Variants in PACRG observed in about 807,000 individuals in gnomAD.
The protein encoded by PACRG is parkin coregulated gene protein.
Under a neutral mutation model 29.7 loss-of-function variants are expected in PACRG, and 29 were observed. The observed-to-expected ratio is 0.98, with a 90% CI of 0.73 to 1.33. PACRG has a LOEUF of 1.33. PACRG is among the 40% of genes most tolerant of loss of function. The pLI, the probability that PACRG is intolerant of heterozygous loss-of-function variation, is 0.00. For synonymous variants in PACRG, 116 were observed against 118.7 expected (o/e 0.98, Z 0.15); for missense variants, 279 against 316.2 (o/e 0.88, Z 0.89).
intron 1 of PACRG, among the ~76,000 whole-genome samples, chr6:162,752,826 T>G (rs182438255): frequency 1.3e-5 from 2 of 152,346 alleles, no homozygotes; most frequent in Admixed American, 1.3e-4. Flanking sequence ...AAATAATGCA[T>G]TGCCTGTTTA....
chr6:163,258,227 C>T (rs551474907), intron 4 of PACRG, among the ~76,000 whole-genome samples: 1 of 152,018 alleles, frequency 6.6e-6, no homozygotes, highest in Non-Finnish European at 1.5e-5. Context: ...ATTTTTGGAA[C>T]CTTATTAAGT....
intron 2 of PACRG, among the ~76,000 whole-genome samples, chr6:162,831,885 C>T (rs973083387): frequency 2.0e-5 from 3 of 152,180 alleles, no homozygotes; most frequent in Admixed American, 1.3e-4. Context: ...ATATGTACCA[C>T]ATTTTCTTTA....
At chr6:162,838,856 T>C (rs1280729466) in intron 2 of PACRG, among the ~76,000 whole-genome samples, 2 of 148,346 alleles carry the variant, frequency 1.3e-5, no homozygotes, top group African/African-American at 2.5e-5. Context: ...GGTTTTTTGT[T>C]CTTGCGATAG....
chr6:162,937,797 C>A (rs1472529481), intron 2 of PACRG, among the ~76,000 whole-genome samples: 2 of 151,484 alleles, frequency 1.3e-5, no homozygotes, highest in Non-Finnish European at 1.5e-5. Context: ...TCGGTTGGAC[C>A]AAAACTTCAA....
intron 4 of PACRG, among the ~76,000 whole-genome samples, chr6:163,098,984 G>A (rs1233935681): frequency 1.3e-5 from 2 of 152,082 alleles, no homozygotes; most frequent in Admixed American, 6.5e-5. Context: ...TCTTTACTGC[G>A]ACCTATTTCA....
chr6:162,782,262 T>C (rs1364655704), intron 1 of PACRG, among the ~76,000 whole-genome samples: 1 of 151,900 alleles, frequency 6.6e-6, no homozygotes, highest in East Asian at 1.9e-4. Context: ...TGGGGAAATA[T>C]ATAAATCCAC....
chr6:162,956,403 C>T (rs749668695), intron 2 of PACRG, among the ~76,000 whole-genome samples: 3 of 152,152 alleles, frequency 2.0e-5, no homozygotes, highest in Non-Finnish European at 2.9e-5. Context: ...CAGCTTTGCC[C>T]CGCTTTACCT....
intron 4 of PACRG, among the ~76,000 whole-genome samples, chr6:163,197,976 G>A (rs1585324517): frequency 6.6e-6 from 1 of 152,296 alleles, no homozygotes; most frequent in East Asian, 1.9e-4. Flanking sequence ...CAGTACATAG[G>A]GATATAATGA....
intron 4 of PACRG, among the ~76,000 whole-genome samples, chr6:163,231,824 C>G (rs1782056039): frequency 6.6e-6 from 1 of 152,210 alleles, no homozygotes; most frequent in African/African-American, 2.4e-5. Context: ...GCAAGAGCCT[C>G]TCCAGACCAC....
intron 2 of PACRG, among the ~76,000 whole-genome samples, chr6:162,980,267 G>A (rs1383264956): frequency 6.6e-6 from 1 of 151,868 alleles, no homozygotes; most frequent in Non-Finnish European, 1.5e-5. Context: ...CATGTCATTA[G>A]GCCCAGGTCA....
chr6:163,044,076 G>C (rs946158534), intron 2 of PACRG, among the ~76,000 whole-genome samples: 9 of 152,034 alleles, frequency 5.9e-5, no homozygotes, highest in Non-Finnish European at 7.4e-5. Flanking sequence ...GGAGCTCAGA[G>C]AATCACGCAA....
chr6:163,082,251 C>T (rs896615954), intron 3 of PACRG, among the ~76,000 whole-genome samples: 1 of 151,898 alleles, frequency 6.6e-6, no homozygotes, highest in Non-Finnish European at 1.5e-5. Context: ...AACTTAAAGA[C>T]AAGAAAATTG....
At chr6:162,815,806 T>C (rs1293917353) in intron 2 of PACRG, among the ~76,000 whole-genome samples, 4 of 152,150 alleles carry the variant, frequency 2.6e-5, no homozygotes, top group Non-Finnish European at 4.4e-5. Flanking sequence ...CTCATAGATA[T>C]GTACTGGCTC....
intron 4 of PACRG, among the ~76,000 whole-genome samples, chr6:163,230,778 AGTT>A (rs1782009010): frequency 6.6e-6 from 1 of 152,144 alleles, no homozygotes; most frequent in East Asian, 1.9e-4. Flanking sequence ...GTAGGTGCAG[AGTT>A]AGGGAGGGAA....
chr6:163,141,394 G>A (rs912758625), intron 4 of PACRG, among the ~76,000 whole-genome samples: 14 of 150,526 alleles, frequency 9.3e-5, no homozygotes, highest in African/African-American at 3.4e-4. Flanking sequence ...TCCCAAAATT[G>A]ATAAAATGTC....
At chr6:163,193,841 G>C (rs1562957779) in intron 4 of PACRG, among the ~76,000 whole-genome samples, 2 of 151,034 alleles carry the variant, frequency 1.3e-5, no homozygotes, top group Non-Finnish European at 2.9e-5. Context: ...CATAGAATCA[G>C]AGACTTTTTC....
At chr6:163,202,792 G>A (rs1376835235) in intron 4 of PACRG, among the ~76,000 whole-genome samples, 2 of 152,176 alleles carry the variant, frequency 1.3e-5, no homozygotes, top group Non-Finnish European at 2.9e-5. Flanking sequence ...TAAAAAGCTA[G>A]ATTATCTGGG....
intron 4 of PACRG, among the ~76,000 whole-genome samples, chr6:163,219,927 G>C (rs529157117): frequency 1.3e-5 from 2 of 152,260 alleles, no homozygotes; most frequent in African/African-American, 4.8e-5. Context: ...GCCTCCCCTG[G>C]CTGCCCTATG....
intron 2 of PACRG, among the ~76,000 whole-genome samples, chr6:163,021,771 A>G (rs1355551664): frequency 1.3e-5 from 2 of 151,964 alleles, no homozygotes. Context: ...ACCATTCACC[A>G]TGGTTTCCAT....
Sources: gnomAD v4.1 joint callset for allele counts (sites outside exome capture counted in the v4.1 genomes callset) on GRCh38, gnomAD v4.1.1 for gene constraint, MANE v1.5 for transcripts, NCBI Gene and HGNC (gene_info 2026-07-23, HGNC 2026-07-21) for gene names.